CACNA1E: variants seen among roughly 807,000 people sequenced by gnomAD.
CACNA1E encodes voltage-dependent R-type calcium channel subunit alpha-1E.
In CACNA1E, 40 loss-of-function variants were observed where a neutral mutation model predicts 259.2. The observed-to-expected ratio is 0.15, with a 90% CI of 0.12 to 0.20. The LOEUF (loss-of-function observed/expected upper bound fraction) is 0.20, where lower values mean the gene tolerates loss of function less well. Among genes scored for constraint, CACNA1E ranks in the 10% least tolerant of loss-of-function variants. The probability of loss-of-function intolerance (pLI) is 1.00; values close to 1 mark genes in which losing one functional copy is unlikely to be tolerated. For synonymous variants in CACNA1E, 1,104 were observed against 1,138.5 expected (o/e 0.97, Z 0.61); for missense variants, 1,874 against 3,040.1 (o/e 0.62, Z 9.02).
chr1:181,696,400 A>G (rs1651710537), intron 7 of CACNA1E, among the ~76,000 whole-genome samples: 1 of 152,248 alleles, frequency 6.6e-6, no homozygotes, highest in Non-Finnish European at 1.5e-5. Context: ...TGCAAAATAT[A>G]ACATTTTTCT....
Position 181,732,427 on chromosome 1 carries a change from C to T in CACNA1E, c.2341C>T (p.Arg781Cys). The change falls in exon 20 of 48, where the codon CGT (arginine) becomes TGT (cysteine). Residue 781 changes from arginine to cysteine, a missense_variant. By Grantham distance (180) the Arg-to-Cys change is radical. Around this residue, in one of 14 missense-constraint regions of CACNA1E, gnomAD observed 476 missense variants for 514.0 expected, o/e 0.93. Transcript: ENST00000367573. This position sits in a 1 kb window ranked among gnomAD's most constrained non-coding sequence, Gnocchi z 5.5. ...GCACCACATGTCCGTGTGGGAGCAG[C>T]GTACCAGCCAGCTGAGGAAGCACAT... ...RRHHMSVWEQ[R>C]TSQLRKHMQM... 2 of 1,545,722 alleles carry T rather than the reference C, an allele frequency of 1.3e-6. No homozygotes were observed. Among genetic ancestry groups the T allele is most frequent in the Non-Finnish European group, 1.7e-6 (2 of 1,144,376 alleles).
chr1:181,746,339 G>A (rs929995144), intron 25 of CACNA1E, among the ~76,000 whole-genome samples: 15 of 152,168 alleles, frequency 9.9e-5, no homozygotes, highest in South Asian at 2.1e-4. Context: ...ATTTATCACC[G>A]AACAGTCCTG....
chr1:181,548,132 T>TC (rs202033903), intron 3 of CACNA1E, among the ~76,000 whole-genome samples: 2 of 145,740 alleles, frequency 1.4e-5, no homozygotes, highest in African/African-American at 5.5e-5. Flanking sequence ...TTTTTTTCTT[T>TC]TTTTTTTTTT....
At chr1:181,595,271 G>A (rs12132403) in intron 6 of CACNA1E, among the ~76,000 whole-genome samples, 4 of 152,134 alleles carry the variant, frequency 2.6e-5, no homozygotes, top group African/African-American at 7.2e-5. Context: ...TGATCAAGGC[G>A]TGTCCCCCAC....
At chr1:181,480,094 T>C (rs573750476), upstream of CACNA1E, among the ~76,000 whole-genome samples, 3 of 152,184 alleles carry the variant, frequency 2.0e-5, no homozygotes, top group African/African-American at 4.8e-5. Context: ...TAGGACAACA[T>C]AGTGAGACCG....
rs571439146 is a variant in CACNA1E, at chr1:181,411,759, G to A, written c.-14-1374G>A. On this transcript the variant is annotated intron_variant, in intron 1 of 11. Transcript: ENST00000524607. ...CAAGTAGCTGGGATTACAGGCACAC[G>A]CCACCACACCTGGCTAATTTTTGTA... 7.9e-5 allele frequency among the ~76,000 whole-genome samples: 12 copies of A among 152,258 alleles called. No individual in the cohort carries two copies. In the East Asian group the frequency reaches 9.7e-4, roughly 12 times the overall value.
chr1:181,729,727 A>C (rs960040968), intron 18 of CACNA1E, among the ~76,000 whole-genome samples: 6 of 152,218 alleles, frequency 3.9e-5, no homozygotes, highest in African/African-American at 1.4e-4. Flanking sequence ...GAATCTGTGC[A>C]TATGTGAGTA....
At chr1:181,701,114 C>A (rs1652205745) in intron 7 of CACNA1E, among the ~76,000 whole-genome samples, 1 of 152,284 alleles carries the variant, frequency 6.6e-6, no homozygotes, top group Middle Eastern at 3.4e-3. Flanking sequence ...GGATGTTTAA[C>A]AAAGGAATGT....
At chr1:181,645,821 G>A (rs1658215547) in intron 6 of CACNA1E, among the ~76,000 whole-genome samples, 1 of 152,212 alleles carries the variant, frequency 6.6e-6, no homozygotes, top group Admixed American at 6.5e-5. Context: ...TCACATAGTA[G>A]GTGGCCCATG....
At chr1:181,688,977 CAG>C (rs1650860798) in intron 7 of CACNA1E, among the ~76,000 whole-genome samples, 2 of 151,784 alleles carry the variant, frequency 1.3e-5, no homozygotes, top group African/African-American at 4.8e-5. Context: ...TCATGAATGA[CAG>C]AATTTTGATT....
At chr1:181,501,938 T>C (rs1356110114) in intron 1 of CACNA1E, among the ~76,000 whole-genome samples, 1 of 152,110 alleles carries the variant, frequency 6.6e-6, no homozygotes. Flanking sequence ...GGGGTTTGGT[T>C]TTTTAGTCTT....
chr1:181,734,985 T>C (rs1372240245), intron 21 of CACNA1E, among the ~76,000 whole-genome samples: 1 of 152,268 alleles, frequency 6.6e-6, no homozygotes, highest in Non-Finnish European at 1.5e-5. Flanking sequence ...CACTGAATTG[T>C]GACCACAGGA....
At chr1:181,654,188 T>A (rs1658999536) in intron 7 of CACNA1E, among the ~76,000 whole-genome samples, 1 of 150,960 alleles carries the variant, frequency 6.6e-6, no homozygotes, top group Non-Finnish European at 1.5e-5. Context: ...TAAGGGCTCT[T>A]GGAAATTAAT....
intron 1 of CACNA1E, among the ~76,000 whole-genome samples, chr1:181,321,544 C>A (rs915829567): frequency 4.6e-4 from 70 of 152,308 alleles, no homozygotes; most frequent in African/African-American, 1.7e-3. Flanking sequence ...CCTTGGCTTC[C>A]CCAGAAATAG....
chr1:181,437,759 G>T (rs2085622), intron 2 of CACNA1E, among the ~76,000 whole-genome samples: 23,097 of 151,734 alleles, frequency 0.15, 1,966 homozygotes, highest in South Asian at 0.29. Context: ...ATGTAGGTGT[G>T]CCCCAGGGCT....
At chr1:181,548,662 A>ACAGCC (rs1175368775) in intron 3 of CACNA1E, among the ~76,000 whole-genome samples, 1 of 152,232 alleles carries the variant, frequency 6.6e-6, no homozygotes, top group Non-Finnish European at 1.5e-5. Context: ...GTTTATCTAC[A>ACAGCC]CAGCCCAGGG....
rs763623073 is a variant in CACNA1E at position 181,784,704 on chromosome 1, G to A, written c.5514G>A (p.Glu1838=). ...RQQLDSELQK[E]TLAIWPHLSQ... ...AGCTAGACTCAGAGCTACAAAAGGA[G>A]ACCCTAGCCATCTGGCCTCACCTAT... Residue 1838 remains glutamate (E), a synonymous_variant, in exon 41 of 48, where the codon GAG becomes GAA. Transcript: ENST00000367573. 1.3e-6 allele frequency: 2 copies of A among 1,589,230 alleles called. No individual in the cohort carries two copies. Among genetic ancestry groups the A allele is most frequent in the Admixed American group, 3.5e-5 (2 of 57,084 alleles).
chr1:181,732,951 A>C lies in CACNA1E; in HGVS notation c.2865A>C (p.Glu955Asp). 6.2e-7 allele frequency: 1 copy of C among 1,614,006 alleles called. No individual in the cohort carries two copies. The highest frequency in any genetic ancestry group is 8.5e-7 in the Non-Finnish European group (1 of 1,179,888). The change falls in exon 20 of 48, where the codon GAA becomes GAC. Residue 955 changes from glutamate to aspartate, a missense_variant. This residue lies in a region of CACNA1E where 476 missense variants were observed against 514.0 expected (regional missense o/e 0.93). Coordinates refer to ENST00000367573, the MANE Select transcript of CACNA1E (RefSeq NM_001205293.3). The surrounding 1 kb of genome is among the most constrained non-coding windows in gnomAD (Gnocchi z 5.5). ...GTCTGGATGAAGCCATGCCCACTGA[A>C]GGGGAGAAGGACCATGAGCTCAGGG... ...ERSLDEAMPT[E>D]GEKDHELRGN...
intron 18 of CACNA1E, among the ~76,000 whole-genome samples, chr1:181,727,973 A>G (rs890866051): frequency 1.4e-4 from 21 of 152,048 alleles, no homozygotes; most frequent in African/African-American, 4.6e-4. Flanking sequence ...GCCTTTCGTA[A>G]CAAATGCCTG....
Sources: gnomAD v4.1 joint callset for allele counts (sites outside exome capture counted in the v4.1 genomes callset) on GRCh38, gnomAD v4.1.1 for gene constraint, gnomAD v4.1.1 regional missense constraint, Gnocchi (gnomAD v3.1) non-coding constraint, MANE v1.5 for transcripts, NCBI Gene and HGNC (gene_info 2026-07-23, HGNC 2026-07-21) for gene names.